NCKAP5: variants seen among roughly 807,000 people sequenced by gnomAD.
NCKAP5 encodes the protein nck-associated protein 5.
A neutral mutation model predicts 167.0 loss-of-function variants in NCKAP5; 92 were observed. The observed-to-expected ratio is 0.55, with a 90% CI of 0.47 to 0.66. The LOEUF (loss-of-function observed/expected upper bound fraction) is 0.66, where lower values mean the gene tolerates loss of function less well. Among genes scored for constraint, NCKAP5 ranks in the 30% least tolerant of loss-of-function variants. NCKAP5 has a pLI of 0.00. For synonymous variants in NCKAP5, 891 were observed against 877.4 expected, an observed-to-expected ratio of 1.02 and a Z score of -0.27; for missense variants, 2,378 against 2,315.0, an observed-to-expected ratio of 1.03 and a Z score of -0.56.
intron 2 of NCKAP5, among the ~76,000 whole-genome samples, chr2:133,543,795 T>C (rs1686426640): frequency 6.6e-6 from 1 of 152,258 alleles, no homozygotes; most frequent in Non-Finnish European, 1.5e-5. Flanking sequence ...TCTTCCTTTG[T>C]GTGTCTACAA....
At chr2:133,107,349 C>T (rs763991590) in intron 6 of NCKAP5, among the ~76,000 whole-genome samples, 5 of 152,158 alleles carry the variant, frequency 3.3e-5, no homozygotes, top group Admixed American at 6.5e-5. Flanking sequence ...TGCATAAAAG[C>T]TGTATTACTG....
At chr2:132,959,218 C>T (rs2149185300) in intron 8 of NCKAP5, among the ~76,000 whole-genome samples, 1 of 151,968 alleles carries the variant, frequency 6.6e-6, no homozygotes, top group Non-Finnish European at 1.5e-5. Context: ...TAACAAAATG[C>T]TTATGCACAG....
chr2:133,430,120 T>C (rs1690062706), intron 3 of NCKAP5, among the ~76,000 whole-genome samples: 1 of 152,174 alleles, frequency 6.6e-6, no homozygotes, highest in Admixed American at 6.5e-5. Flanking sequence ...CTATGTCTTG[T>C]TTTGAGAAAT....
At chr2:133,477,793 A>T (rs888695955) in intron 3 of NCKAP5, among the ~76,000 whole-genome samples, 1 of 152,158 alleles carries the variant, frequency 6.6e-6, no homozygotes, top group Non-Finnish European at 1.5e-5. Context: ...TGTGTGGCAT[A>T]TTCAGTGTGG....
chr2:132,701,486 A>G (rs1687881246), intron 19 of NCKAP5, among the ~76,000 whole-genome samples: 1 of 152,144 alleles, frequency 6.6e-6, no homozygotes, highest in South Asian at 2.1e-4. Context: ...TTGCAAAACC[A>G]AATACCAGGT....
chr2:133,206,025 C>A (rs2085936389), intron 5 of NCKAP5, among the ~76,000 whole-genome samples: 2 of 151,870 alleles, frequency 1.3e-5, no homozygotes, highest in Non-Finnish European at 2.9e-5. Flanking sequence ...GCTTTTTGCC[C>A]AGCTCTTATA....
At chr2:133,552,850 CTTTCT>C (rs1364006040) in intron 2 of NCKAP5, among the ~76,000 whole-genome samples, 1 of 152,014 alleles carries the variant, frequency 6.6e-6, no homozygotes, top group African/African-American at 2.4e-5. Context: ...GAACAAATCC[CTTTCT>C]TATCAGTTCA....
chr2:133,094,521 T>C (rs527571303), intron 6 of NCKAP5, among the ~76,000 whole-genome samples: 1 of 152,284 alleles, frequency 6.6e-6, no homozygotes, highest in East Asian at 1.9e-4. Flanking sequence ...TATCTTTCCA[T>C]GTATACTTAT....
chr2:133,466,652 T>C (rs1476705145), intron 3 of NCKAP5, among the ~76,000 whole-genome samples: 1 of 152,246 alleles, frequency 6.6e-6, no homozygotes, highest in East Asian at 1.9e-4. Context: ...GCATGGAATG[T>C]TCTTCCGTTT....
rs146438272 is a variant in NCKAP5, at chr2:133,487,368, A to T, written c.69+30090T>A. ...GAAAAGTCTACCTCTGAGAAATGAT[A>T]GGGTGGTGTGAAAAGGGCACTGTAG... On this transcript the variant is annotated intron_variant, in intron 3 of 19. Coordinates refer to ENST00000409261, the MANE Select transcript of NCKAP5 (RefSeq NM_207363.3). Among the ~76,000 whole-genome samples, 409 of 152,230 alleles carry T rather than the reference A, an allele frequency of 2.7e-3. 3 individuals are homozygous for T. The highest frequency in any genetic ancestry group is 9.8e-3 in the African/African-American group (405 of 41,536).
intron 19 of NCKAP5, among the ~76,000 whole-genome samples, chr2:132,720,445 A>C (rs980576600): frequency 3.3e-5 from 5 of 152,312 alleles, no homozygotes; most frequent in South Asian, 4.1e-4. Context: ...GGGTTTTAGA[A>C]AGTAGACTTC....
chr2:132,891,623 G>C (rs1005406739), intron 8 of NCKAP5, among the ~76,000 whole-genome samples: 2 of 152,218 alleles, frequency 1.3e-5, no homozygotes, highest in South Asian at 4.1e-4. Context: ...ATGCATATGG[G>C]TGAGTAGAAC....
At chr2:133,365,126 A>G (rs1007528726) in intron 3 of NCKAP5, among the ~76,000 whole-genome samples, 3 of 152,038 alleles carry the variant, frequency 2.0e-5, no homozygotes, top group Non-Finnish European at 4.4e-5. Context: ...ACACACACAC[A>G]AACACATACA....
intron 4 of NCKAP5, chr2:133,268,445 A>G (rs2150400482): frequency 6.6e-6 from 1 of 151,600 alleles, no homozygotes; most frequent in Non-Finnish European, 1.5e-5. Context: ...CAAATCATGT[A>G]AGTCAAGGAC....
the NCKAP5 span, among the ~76,000 whole-genome samples, chr2:133,673,852 A>C: frequency 6.6e-6 from 1 of 152,212 alleles, no homozygotes; most frequent in Non-Finnish European, 1.5e-5. Context: ...GTTTGCAATG[A>C]ACAAAATTGG....
intron 3 of NCKAP5, among the ~76,000 whole-genome samples, chr2:133,487,931 C>T (rs770992275): frequency 8.5e-5 from 13 of 152,274 alleles, no homozygotes; most frequent in Admixed American, 6.5e-4. Flanking sequence ...CAACAGAAGC[C>T]ATTTAGCATG....
chr2:132,882,317 C>T (rs540823258), intron 8 of NCKAP5, among the ~76,000 whole-genome samples: 79 of 152,148 alleles, frequency 5.2e-4, no homozygotes, highest in Non-Finnish European at 1.0e-3. Flanking sequence ...TGCTTCTAGT[C>T]GCTTTCAGTG....
chr2:132,910,857 C>T (rs980385159), intron 8 of NCKAP5, among the ~76,000 whole-genome samples: 2 of 152,160 alleles, frequency 1.3e-5, no homozygotes, highest in African/African-American at 4.8e-5. Flanking sequence ...CCAAAGAAGA[C>T]TCATCCATTC....
chr2:133,664,806 G>A, the NCKAP5 span, among the ~76,000 whole-genome samples: 1 of 152,134 alleles, frequency 6.6e-6, no homozygotes, highest in East Asian at 1.9e-4. Context: ...CCGAAAATCT[G>A]TTATTTTGTA....
Sources: gnomAD v4.1 joint callset for allele counts (sites outside exome capture counted in the v4.1 genomes callset) on GRCh38, gnomAD v4.1.1 for gene constraint, MANE v1.5 for transcripts, NCBI Gene and HGNC (gene_info 2026-07-23, HGNC 2026-07-21) for gene names.